Variants in PTCSC3 observed in about 807,000 individuals in gnomAD.
PTCSC3 encodes the protein papillary thyroid carcinoma susceptibility candidate 3.
chr14:36,167,401 C>T (rs1206580651), intron 1 of PTCSC3, among the ~76,000 whole-genome samples: 1 of 152,066 alleles, frequency 6.6e-6, no homozygotes, highest in East Asian at 1.9e-4. Flanking sequence ...CTTATTCTAA[C>T]TGGGACCCCA....
At chr14:36,174,229 C>A (rs1265539502) in intron 1 of PTCSC3, among the ~76,000 whole-genome samples, 1 of 151,984 alleles carries the variant, frequency 6.6e-6, no homozygotes, top group African/African-American at 2.4e-5. Flanking sequence ...AGCTAGGCTG[C>A]TTGATATTAT....
chr14:36,146,491 CTT>C (rs1178118930), intron 3 of PTCSC3, among the ~76,000 whole-genome samples: 1 of 151,126 alleles, frequency 6.6e-6, no homozygotes, highest in Non-Finnish European at 1.5e-5. Context: ...CAACCCCTGC[CTT>C]TTTTTGTTTT....
In PTCSC3 at chr14:36,145,654, T is replaced by C. The variant is rs1446409689; in HGVS notation, n.322+8150A>G. 9.4e-5 allele frequency among the ~76,000 whole-genome samples: 8 copies of C among 85,042 alleles called. 1 individual carries two copies. The highest frequency in any genetic ancestry group is 2.8e-5 in the Non-Finnish European group (1 of 35,610). 55.8% of individuals were successfully genotyped at this position (85,042 alleles called of 152,430 possible). Reference sequence around the variant, plus strand: ...TTTTTGAAGGGTTTTTTTGTGTCTCTATTTCCTTCAGTTCTGCTCTGATTT... The same window carrying C: ...TTTTTGAAGGGTTTTTTTGTGTCTCCATTTCCTTCAGTTCTGCTCTGATTT... On this transcript the variant is annotated intron_variant and non_coding_transcript_variant, in intron 3 of 3. Transcript: ENST00000556013.
intron 3 of PTCSC3, chr14:36,153,679 G>GTATAATT (rs1566506786): frequency 6.6e-6 from 1 of 152,168 alleles, no homozygotes; most frequent in African/African-American, 2.4e-5. Context: ...GTCCATAGCA[G>GTATAATT]TATAATTTAT....
intron 2 of PTCSC3, among the ~76,000 whole-genome samples, chr14:36,160,114 G>A (rs1881922634): frequency 6.6e-6 from 1 of 152,162 alleles, no homozygotes; most frequent in Non-Finnish European, 1.5e-5. Context: ...TTGAGCCTAT[G>A]TGTGTCTTTG....
At chr14:36,142,353 G>A (rs10150866) in intron 3 of PTCSC3, among the ~76,000 whole-genome samples, 15,763 of 152,144 alleles carry the variant, frequency 0.1, 1,017 homozygotes, top group Middle Eastern at 0.18. Context: ...CATACCTGCC[G>A]TATGGTTGTG....
At chr14:36,142,730 A>C (rs1170635747) in intron 3 of PTCSC3, among the ~76,000 whole-genome samples, 1 of 151,414 alleles carries the variant, frequency 6.6e-6, no homozygotes, top group Non-Finnish European at 1.5e-5. Flanking sequence ...ATATGTATAC[A>C]TGTGCCATGC....
intron 3 of PTCSC3, among the ~76,000 whole-genome samples, chr14:36,145,089 A>G (rs1285918899): frequency 4.1e-5 from 5 of 121,250 alleles, no homozygotes; most frequent in African/African-American, 6.2e-5. Context: ...TTTTTGCATC[A>G]ATGTTCATCA....
chr14:36,156,616 A>G (rs142624080), intron 2 of PTCSC3, among the ~76,000 whole-genome samples: 2,381 of 151,514 alleles, frequency 0.016, 32 homozygotes, highest in South Asian at 0.043. Flanking sequence ...CCCTGTGTCC[A>G]TGTGTTCTCA....
intron 1 of PTCSC3, among the ~76,000 whole-genome samples, chr14:36,169,354 T>C (rs896804563): frequency 2.0e-5 from 3 of 152,220 alleles, no homozygotes; most frequent in Non-Finnish European, 4.4e-5. Flanking sequence ...GCATTACCAT[T>C]ATTCGTGGTG....
At chr14:36,150,855 T>C (rs977057384) in intron 3 of PTCSC3, among the ~76,000 whole-genome samples, 2 of 152,188 alleles carry the variant, frequency 1.3e-5, no homozygotes, top group African/African-American at 4.8e-5. Context: ...TTTATTCTAT[T>C]TATTCGGAAG....
intron 3 of PTCSC3, among the ~76,000 whole-genome samples, chr14:36,139,050 C>T (rs1881355772): frequency 6.7e-6 from 1 of 148,486 alleles, no homozygotes; most frequent in African/African-American, 2.5e-5. Flanking sequence ...GGAGGCGGAG[C>T]TTGCACTGAG....
intron 2 of PTCSC3, among the ~76,000 whole-genome samples, chr14:36,160,561 T>C (rs1399774573): frequency 6.6e-6 from 1 of 152,206 alleles, no homozygotes; most frequent in Non-Finnish European, 1.5e-5. Flanking sequence ...CCCACTCTCT[T>C]CTGGTTTGTA....
chr14:36,154,304 A>C (rs906160557), intron 2 of PTCSC3, among the ~76,000 whole-genome samples: 4 of 152,154 alleles, frequency 2.6e-5, no homozygotes, highest in African/African-American at 7.2e-5. Flanking sequence ...TGAAGCTGTT[A>C]ACTTATGTAC....
At chr14:36,142,333 A>G (rs767645107) in intron 3 of PTCSC3, among the ~76,000 whole-genome samples, 3 of 152,202 alleles carry the variant, frequency 2.0e-5, no homozygotes, top group Non-Finnish European at 4.4e-5. Context: ...TGAACATTCA[A>G]TCAGCCTTGC....
rs183811598 is a variant in PTCSC3 at position 36,164,480 on chromosome 14, G to T, written n.172-1797C>A. On this transcript the variant is annotated intron_variant and non_coding_transcript_variant, in intron 1 of 3. Transcript: ENST00000556013. ...CATTTATGTGTTATTTTCTTATAAA[G>T]GGAATTTGCCTGTTCAACTGCACTT... Among the ~76,000 whole-genome samples, 3 of 152,260 alleles carry T rather than the reference G, an allele frequency of 2.0e-5. No individual in the cohort carries two copies. In the East Asian group the frequency reaches 5.8e-4, roughly 29 times the overall value.
At chr14:36,151,949 C>T (rs936157313) in intron 3 of PTCSC3, among the ~76,000 whole-genome samples, 9 of 152,292 alleles carry the variant, frequency 5.9e-5, no homozygotes, top group African/African-American at 2.2e-4. Flanking sequence ...AGGGAAAACT[C>T]ATGAAAATGA....
intron 1 of PTCSC3, among the ~76,000 whole-genome samples, chr14:36,172,925 T>A (rs1177984901): frequency 1.3e-5 from 2 of 151,684 alleles, no homozygotes; most frequent in East Asian, 3.8e-4. Flanking sequence ...CTTGTTAACA[T>A]AAAAACTTAA....
chr14:36,151,908 G>T (rs1412413702), intron 3 of PTCSC3, among the ~76,000 whole-genome samples: 6 of 152,180 alleles, frequency 3.9e-5, no homozygotes, highest in African/African-American at 1.4e-4. Context: ...TTTCTCAGAT[G>T]TTCACTGTGA....
Sources: gnomAD v4.1 joint callset for allele counts (sites outside exome capture counted in the v4.1 genomes callset) on GRCh38, gnomAD v4.1.1 for gene constraint, MANE v1.5 for transcripts, NCBI Gene and HGNC (gene_info 2026-07-23, HGNC 2026-07-21) for gene names.